The following ICA1 variants were observed in gnomAD, a reference collection of about 807,000 sequenced individuals.
ICA1 encodes the protein islet cell autoantigen 1, also known as 69 kDa islet cell autoantigen.
A neutral mutation model predicts 71.0 loss-of-function variants in ICA1; 40 were observed. That is an observed-to-expected ratio of 0.56 (90% CI 0.44 to 0.73). ICA1 has a LOEUF of 0.73. ICA1 is among the 30% of genes least tolerant of loss of function. ICA1 has a pLI of 0.00. For synonymous variants in ICA1, 207 were observed against 209.5 expected (o/e 0.99, Z 0.10); for missense variants, 578 against 576.5 (o/e 1.00, Z -0.03).
intron 6 of ICA1, among the ~76,000 whole-genome samples, chr7:8,165,073 C>T (rs549452212): frequency 6.6e-6 from 1 of 152,040 alleles, no homozygotes; most frequent in Admixed American, 6.5e-5. Flanking sequence ...ACAGTAAGAC[C>T]CTGTCTCAAA....
upstream of ICA1, chr7:8,262,224 G>T (rs1435247849): frequency 6.6e-6 from 1 of 152,072 alleles, no homozygotes; most frequent in Non-Finnish European, 1.5e-5. Flanking sequence ...CCCTTCCTGC[G>T]GCGGCCGCCA....
chr7:8,160,081 T>G (rs1452989274), intron 6 of ICA1, among the ~76,000 whole-genome samples: 1 of 152,222 alleles, frequency 6.6e-6, no homozygotes, highest in Non-Finnish European at 1.5e-5. Context: ...AAGCAGGTAC[T>G]GAATACGTAT....
intron 8 of ICA1, chr7:8,156,872 G>A (rs202062686): frequency 1.1e-5 from 16 of 1,516,924 alleles, no homozygotes; most frequent in Admixed American, 7.2e-5. Context: ...AAGGTTCAAG[G>A]TTCAATTCGC....
intron 1 of ICA1, among the ~76,000 whole-genome samples, chr7:8,260,860 C>T (rs977836687): frequency 6.6e-6 from 1 of 152,176 alleles, no homozygotes; most frequent in African/African-American, 2.4e-5. Flanking sequence ...TTTCTTATTT[C>T]ACTCCCTAAC....
intron 13 of ICA1, among the ~76,000 whole-genome samples, chr7:8,120,879 A>G (rs1353950874): frequency 6.6e-6 from 1 of 152,066 alleles, no homozygotes; most frequent in Non-Finnish European, 1.5e-5. Flanking sequence ...CAGCGGGGAG[A>G]GCCGAAGCCC....
chr7:8,259,261 T>C (rs1057241151), intron 1 of ICA1, among the ~76,000 whole-genome samples: 2 of 152,178 alleles, frequency 1.3e-5, no homozygotes, highest in Admixed American at 1.3e-4. Context: ...CGCTAAGATT[T>C]TGCATTTCTA....
intron 1 of ICA1, among the ~76,000 whole-genome samples, chr7:8,239,961 T>TG (rs1429245617): frequency 2.6e-5 from 4 of 152,178 alleles, no homozygotes; most frequent in African/African-American, 9.7e-5. Context: ...ATTCCACCTC[T>TG]GGGGGAAGGG....
chr7:8,195,876 G>T (rs1787322834), intron 6 of ICA1, among the ~76,000 whole-genome samples: 1 of 152,106 alleles, frequency 6.6e-6, no homozygotes, highest in South Asian at 2.1e-4. Context: ...TACTCGGGAG[G>T]CTGAGGCAGG....
intron 9 of ICA1, 108 bp from the exon 10 acceptor site, chr7:8,141,925 C>CCACACA (rs55773006): frequency 8.4e-7 from 1 of 1,186,706 alleles, no homozygotes; most frequent in Non-Finnish European, 1.2e-6. Context: ...AACACATACA[C>CCACACA]CACACACACG....
intron 1 of ICA1, among the ~76,000 whole-genome samples, chr7:8,239,073 T>G (rs75566007): frequency 6.6e-6 from 1 of 152,324 alleles, no homozygotes; most frequent in East Asian, 1.9e-4. Context: ...AAAGGAATCA[T>G]AAGTGGTCAA....
At chr7:8,137,955 G>A (rs757621408) in intron 12 of ICA1, among the ~76,000 whole-genome samples, 1 of 152,182 alleles carries the variant, frequency 6.6e-6, no homozygotes, top group African/African-American at 2.4e-5. Flanking sequence ...ACTTCGGCCA[G>A]TCTGTAGTCC....
chr7:8,197,321 GAA>G (rs1355391935), intron 6 of ICA1, among the ~76,000 whole-genome samples: 1 of 151,552 alleles, frequency 6.6e-6, no homozygotes, highest in Non-Finnish European at 1.5e-5. Flanking sequence ...TTGGGAGGCC[GAA>G]GCGGGCGGAT....
rs746937127 is a variant in ICA1, at chr7:8,235,964, AG to A, written c.-39del. On this transcript the variant is annotated 5_prime_UTR_variant, in exon 2 of 14. An upstream open reading frame in the 5' UTR loses its in-frame stop. Transcript: ENST00000402384. Reference sequence around the variant, plus strand: ...TTCTATTGTTGATGATTTGGGGAGAAGGGGCAGGAAAAAAGCATGAGAGGAT... The same window carrying A: ...TTCTATTGTTGATGATTTGGGGAGAAGGGCAGGAAAAAAGCATGAGAGGAT... The A allele has an allele frequency of 1.7e-5, 27 of 1,608,012 alleles. No individual in the cohort carries two copies. Among genetic ancestry groups the A allele is most frequent in the Non-Finnish European group, 2.3e-5 (27 of 1,176,586 alleles).
intron 13 of ICA1, chr7:8,116,362 G>A (rs956936858): frequency 3.9e-5 from 6 of 152,200 alleles, no homozygotes; most frequent in Non-Finnish European, 8.8e-5. Flanking sequence ...ATCTAGTGAA[G>A]AAGTCACATG....
At chr7:8,183,028 T>C (rs1393470214) in intron 6 of ICA1, among the ~76,000 whole-genome samples, 1 of 152,226 alleles carries the variant, frequency 6.6e-6, no homozygotes, top group Non-Finnish European at 1.5e-5. Context: ...GTGATCAGGC[T>C]AGAATCTCTA....
chr7:8,225,367 G>A lies in ICA1; in HGVS notation c.256+3234C>T, dbSNP rs1403663259. Among the ~76,000 whole-genome samples the A allele has an allele frequency of 2.6e-5, 4 of 152,158 alleles. No individual in the cohort carries two copies. In the East Asian group the frequency reaches 5.8e-4, roughly 22 times the overall value. ...CAAAACTGTCATTATTTAGTTTGTT[G>A]CTCAAATTGTGCCAGCTTTGATCAC... On this transcript the variant is annotated intron_variant, in intron 4 of 13. Transcript: ENST00000402384.
intron 4 of ICA1, chr7:8,227,932 AC>A (rs1799125000): frequency 2.5e-6 from 1 of 405,128 alleles, no homozygotes; most frequent in Non-Finnish European, 5.1e-6. Context: ...TAGAAAAATG[AC>A]CAATTATTAA....
intron 1 of ICA1, among the ~76,000 whole-genome samples, chr7:8,253,062 T>C (rs1461851457): frequency 6.6e-6 from 1 of 152,172 alleles, no homozygotes; most frequent in African/African-American, 2.4e-5. Flanking sequence ...TACTAGAATG[T>C]TTTAAATTAT....
intron 12 of ICA1, among the ~76,000 whole-genome samples, chr7:8,137,527 T>G (rs1264813144): frequency 2.0e-5 from 3 of 152,224 alleles, no homozygotes; most frequent in Non-Finnish European, 4.4e-5. Flanking sequence ...AAAGACACCT[T>G]TATTCTATCA....
Sources: gnomAD v4.1 joint callset for allele counts (sites outside exome capture counted in the v4.1 genomes callset) on GRCh38, gnomAD v4.1.1 for gene constraint, MANE v1.5 for transcripts, NCBI Gene and HGNC (gene_info 2026-07-23, HGNC 2026-07-21) for gene names.